CRBN: variants seen among roughly 807,000 people sequenced by gnomAD.
CRBN encodes cereblon, also known as protein cereblon.
A neutral mutation model predicts 62.2 loss-of-function variants in CRBN; 53 were observed. The ratio of observed to expected loss-of-function variants is 0.85; its 90% CI spans 0.68 to 1.07. The LOEUF (loss-of-function observed/expected upper bound fraction) is 1.07, where lower values mean the gene tolerates loss of function less well. Among genes scored for constraint, CRBN ranks in the 50% least tolerant of loss-of-function variants. The pLI, the probability that CRBN is intolerant of heterozygous loss-of-function variation, is 0.00. For missense variants in CRBN, 616 were observed against 531.1 expected (o/e 1.16, Z -1.57); for synonymous variants, 208 against 176.1 (o/e 1.18, Z -1.43).
chr3:3,179,521 G>A, intron 1 of CRBN, 100 bp downstream of exon 1: 2 of 1,218,036 alleles, frequency 1.6e-6, no homozygotes, highest in Non-Finnish European at 2.4e-6. Flanking sequence ...GGCTCGCCAG[G>A]CTTGGCGCCC....
intron 1 of CRBN, among the ~76,000 whole-genome samples, chr3:3,177,051 T>A (rs1200039294): frequency 6.6e-6 from 1 of 152,106 alleles, no homozygotes; most frequent in African/African-American, 2.4e-5. Flanking sequence ...TGGCATCTAG[T>A]GGGTAGAGGC....
At chr3:3,159,279 C>G (rs1672765) in intron 5 of CRBN, among the ~76,000 whole-genome samples, 139,031 of 152,202 alleles carry the variant, frequency 0.91, 64,808 homozygotes, top group East Asian at 1. Flanking sequence ...AATACCCTGT[C>G]GAGCTTATAT....
chr3:3,163,699 G>A (rs1383892181), intron 5 of CRBN, among the ~76,000 whole-genome samples: 1 of 152,128 alleles, frequency 6.6e-6, no homozygotes, highest in Admixed American at 6.5e-5. Context: ...GCAAAGAAGC[G>A]TTAATTTAGG....
intron 5 of CRBN, among the ~76,000 whole-genome samples, chr3:3,166,526 T>A (rs1707358696): frequency 6.6e-6 from 1 of 152,150 alleles, no homozygotes. Context: ...TTACTAAACG[T>A]TAAAAAATAC....
At chr3:3,160,561 C>A (rs776189180) in intron 5 of CRBN, among the ~76,000 whole-genome samples, 4 of 152,118 alleles carry the variant, frequency 2.6e-5, no homozygotes, top group Admixed American at 2.6e-4. Context: ...TGAGGAAGCA[C>A]CTGACTATAC....
chr3:3,165,895 T>A (rs533345983), intron 5 of CRBN, among the ~76,000 whole-genome samples: 1 of 152,198 alleles, frequency 6.6e-6, no homozygotes, highest in East Asian at 1.9e-4. Context: ...GTGCCAAACA[T>A]ACTTTTAGGC....
At chr3:3,170,517 C>T (rs955333805) in intron 4 of CRBN, among the ~76,000 whole-genome samples, 2 of 152,148 alleles carry the variant, frequency 1.3e-5, no homozygotes, top group Non-Finnish European at 2.9e-5. Context: ...AGGTCTGTCG[C>T]TTATTTGCTG....
At chr3:3,177,182 GA>G (rs1294767121) in intron 1 of CRBN, among the ~76,000 whole-genome samples, 1 of 152,188 alleles carries the variant, frequency 6.6e-6, no homozygotes, top group Non-Finnish European at 1.5e-5. Context: ...AAGAATTACT[GA>G]ATCTCATTTC....
chr3:3,152,821 T>C (rs1244802711), intron 9 of CRBN: 12 of 554,754 alleles, frequency 2.2e-5, no homozygotes, highest in African/African-American at 3.8e-5. Context: ...CCAAAGGAAA[T>C]AGTACTTGTT....
intron 4 of CRBN, among the ~76,000 whole-genome samples, chr3:3,169,403 A>G (rs1055976707): frequency 2.6e-5 from 4 of 152,236 alleles, no homozygotes; most frequent in African/African-American, 9.6e-5. Context: ...TATGACTTCA[A>G]CAATAAAACT....
intron 2 of CRBN, among the ~76,000 whole-genome samples, chr3:3,174,867 AT>A (rs1707767163): frequency 6.6e-6 from 1 of 152,234 alleles, no homozygotes; most frequent in Admixed American, 6.5e-5. Flanking sequence ...AACAGTAAGT[AT>A]AAAATGTTAG....
chr3:3,175,402 G>A (rs771534598), intron 1 of CRBN, 133 bp from the exon 2 acceptor site: 11 of 690,138 alleles, frequency 1.6e-5, no homozygotes, highest in Non-Finnish European at 2.8e-5. Context: ...CGTGAAGAGG[G>A]AGCCAGAGGA....
intron 6 of CRBN, 94 bp downstream of exon 6, chr3:3,156,125 T>C (rs1447382462): frequency 9.3e-7 from 1 of 1,077,456 alleles, no homozygotes; most frequent in East Asian, 2.4e-5. Flanking sequence ...TATAAGGCAC[T>C]AGAAACTGGA....
intron 5 of CRBN, among the ~76,000 whole-genome samples, chr3:3,164,470 T>C (rs1707250524): frequency 6.6e-6 from 1 of 152,230 alleles, no homozygotes; most frequent in African/African-American, 2.4e-5. Context: ...CTAAGTCTCC[T>C]TTCAGGGGCT....
intron 1 of CRBN, among the ~76,000 whole-genome samples, chr3:3,177,195 C>A (rs1377751734): frequency 6.6e-6 from 1 of 152,238 alleles, no homozygotes; most frequent in Non-Finnish European, 1.5e-5. Context: ...TCTCATTTCT[C>A]ACCTCCCAGT....
chr3:3,174,252 C>T lies in CRBN; in HGVS notation c.184G>A (p.Ala62Thr), dbSNP rs928255811. The T allele has an allele frequency of 2.1e-5, 34 of 1,612,198 alleles. No homozygotes were observed. Among genetic ancestry groups the T allele is most frequent in the Non-Finnish European group, 2.7e-5 (32 of 1,178,442 alleles). Residue 62 changes from alanine (A) to threonine (T), a missense_variant, in exon 3 of 11, where the codon GCT becomes ACT. Physicochemically the swap from Ala to Thr is moderately conservative, Grantham distance 58. Coordinates refer to ENST00000231948, the MANE Select transcript of CRBN (RefSeq NM_016302.4). ...CTGCCATGAAATTCTTCCATATCAGCACCTAGGTACTATATAAAAACATAT... is the reference window on the plus strand; with the variant it reads ...CTGCCATGAAATTCTTCCATATCAGTACCTAGGTACTATATAAAAACATAT... Reference protein sequence around the residue: ...SLPTSHTYLGADMEEFHGRTL... With the variant: ...SLPTSHTYLGTDMEEFHGRTL...
intron 9 of CRBN, 30 bp from the exon 10 acceptor site, chr3:3,152,617 G>C: frequency 6.2e-7 from 1 of 1,613,464 alleles, no homozygotes; most frequent in Non-Finnish European, 8.5e-7. Flanking sequence ...TGGAGAACAC[G>C]TCAAAACGAG....
intron 8 of CRBN, 155 bp from the exon 9 acceptor site, chr3:3,153,643 G>A (rs1282355125): frequency 3.1e-6 from 2 of 647,036 alleles, no homozygotes; most frequent in South Asian, 3.6e-5. Flanking sequence ...TTTAAAGATG[G>A]AGCACGAAAG....
intron 5 of CRBN, among the ~76,000 whole-genome samples, chr3:3,158,165 A>G (rs926015570): frequency 6.6e-6 from 1 of 152,218 alleles, no homozygotes; most frequent in Non-Finnish European, 1.5e-5. Flanking sequence ...ATTCAAGTGC[A>G]TTACATTTAT....
Sources: gnomAD v4.1 joint callset for allele counts (sites outside exome capture counted in the v4.1 genomes callset) on GRCh38, gnomAD v4.1.1 for gene constraint, MANE v1.5 for transcripts, NCBI Gene and HGNC (gene_info 2026-07-23, HGNC 2026-07-21) for gene names.